Variants in KANSL2 observed in about 807,000 individuals in gnomAD.
KANSL2 encodes the protein NSL complex protein NSL2.
Under a neutral mutation model 55.6 loss-of-function variants are expected in KANSL2, and 34 were observed. That is an observed-to-expected ratio of 0.61 (90% CI 0.46 to 0.81). The LOEUF (loss-of-function observed/expected upper bound fraction) is 0.81. KANSL2 is among the 40% of genes least tolerant of loss of function. The probability of loss-of-function intolerance (pLI) is 0.00; values close to 1 mark genes in which losing one functional copy is unlikely to be tolerated. For missense variants in KANSL2, 502 were observed against 609.9 expected (o/e 0.82, Z 1.86); for synonymous variants, 209 against 214.3 (o/e 0.98, Z 0.22).
chr12:48,657,851 A>C (rs1362932483), intron 8 of KANSL2, among the ~76,000 whole-genome samples: 1 of 152,124 alleles, frequency 6.6e-6, no homozygotes, highest in Non-Finnish European at 1.5e-5. Context: ...TCCTGACCTC[A>C]GGTGATCTAC....
intron 5 of KANSL2, among the ~76,000 whole-genome samples, chr12:48,670,833 G>T (rs1939699240): frequency 6.6e-6 from 1 of 152,106 alleles, no homozygotes; most frequent in Non-Finnish European, 1.5e-5. Flanking sequence ...GCTGAGTGTG[G>T]TGGTGCATCT....
At chr12:48,677,784 CAAAAAAAAA>C (rs56147873) in intron 4 of KANSL2, among the ~76,000 whole-genome samples, 15 of 47,676 alleles carry the variant, frequency 3.1e-4, no homozygotes, top group South Asian at 1.0e-3. Context: ...GACTCCATCT[CAAAAAAAAA>C]AAAAAAAAAA....
intron 5 of KANSL2, among the ~76,000 whole-genome samples, chr12:48,670,637 T>C (rs1006183622): frequency 1.2e-4 from 18 of 152,358 alleles, no homozygotes; most frequent in African/African-American, 4.1e-4. Context: ...CTAAGTGTTA[T>C]TACAGAGTCC....
At chr12:48,673,717 GC>G (rs1939770021) in intron 4 of KANSL2, among the ~76,000 whole-genome samples, 1 of 152,136 alleles carries the variant, frequency 6.6e-6, no homozygotes, top group South Asian at 2.1e-4. Context: ...GGAGGCCGAG[GC>G]AGGCAGATTG....
In KANSL2 at chr12:48,669,013, C is replaced by T. The variant is rs550166848; in HGVS notation, c.876+93G>A. 4.9e-6 allele frequency: 5 copies of T among 1,019,618 alleles called. No individual in the cohort carries two copies. In the East Asian group the frequency reaches 9.2e-5, roughly 19 times the overall value. 63.2% of individuals were successfully genotyped at this position (1,019,618 alleles called of 1,614,324 possible). ...GAGCCGACATCGCACCACTGCACTC[C>T]AGCCCGAGTGACAGTGCGAGACTCC... On this transcript the variant is annotated intron_variant, in intron 6 of 9. Coordinates refer to ENST00000420613, the MANE Select transcript of KANSL2 (RefSeq NM_017822.4).
rs763275425 is a variant in KANSL2, at chr12:48,681,832, A to C, written c.-9-191T>G. On this transcript the variant is annotated intron_variant, in intron 1 of 9. Transcript: ENST00000420613. Reference sequence around the variant, plus strand: ...TTGCCTCCCTTTAGCGTGTCCCTCCATGCCCGGCCCCACCCCGAACCACAC... The same window carrying C: ...TTGCCTCCCTTTAGCGTGTCCCTCCCTGCCCGGCCCCACCCCGAACCACAC... The C allele has an allele frequency of 8.5e-5, 62 of 725,528 alleles. 1 individual carries two copies. In the Admixed American group the frequency reaches 1.0e-3, roughly 12 times the overall value. 44.9% of individuals were successfully genotyped at this position (725,528 alleles called of 1,614,324 possible). A position where few individuals can be genotyped will look rare whatever the true frequency, so the allele number is the denominator to read the frequency against.
At position 48,655,065 on chromosome 12, in the gene KANSL2, A is replaced by G; in HGVS notation, c.1228-5T>C. On this transcript the variant is annotated splice_region_variant and splice_polypyrimidine_tract_variant and intron_variant, in intron 8 of 9. Transcript: ENST00000420613. ...ATCACCCACAACATCCAAGTCCTAG[A>G]AAAAAGAGAAAAGCCCATCAGCAAT... 1.3e-6 allele frequency: 2 copies of G among 1,564,576 alleles called. No homozygotes were observed. Among genetic ancestry groups the G allele is most frequent in the Non-Finnish European group, 1.7e-6 (2 of 1,154,572 alleles).
In KANSL2 at chr12:48,667,140, C is replaced by T. The variant is rs137967321; in HGVS notation, c.973+553G>A. On this transcript the variant is annotated intron_variant, in intron 7 of 9. Coordinates refer to ENST00000420613, the MANE Select transcript of KANSL2 (RefSeq NM_017822.4). The stretch of plus-strand genomic sequence containing the variant: ...TGGAGGTTGCAGTGAGCCGAGATCA[C>T]GCCATTGCACTCCAGCCTGGGAGAC... Among the ~76,000 whole-genome samples, 872 of 151,142 alleles carry T rather than the reference C, an allele frequency of 5.8e-3. 3 individuals are homozygous for T. Among genetic ancestry groups the T allele is most frequent in the Non-Finnish European group, 9.7e-3 (660 of 67,734 alleles).
At chr12:48,661,388 A>C (rs1939485437) in intron 7 of KANSL2, 1 of 160,762 alleles carries the variant, frequency 6.2e-6, no homozygotes, top group Admixed American at 6.5e-5. Context: ...GAAGCTCTGT[A>C]GGATGAACCA....
chr12:48,662,916 A>AC (rs1288564257), intron 7 of KANSL2, among the ~76,000 whole-genome samples: 2 of 152,188 alleles, frequency 1.3e-5, no homozygotes, highest in Non-Finnish European at 2.9e-5. Flanking sequence ...ACAGTGAAAA[A>AC]AGGGCATTCA....
intron 6 of KANSL2, among the ~76,000 whole-genome samples, chr12:48,668,416 C>T (rs1939641924): frequency 6.6e-6 from 1 of 152,350 alleles, no homozygotes; most frequent in East Asian, 1.9e-4. Flanking sequence ...ATCCATGTCT[C>T]CTGACTTCAA....
chr12:48,662,682 G>A (rs772937133), intron 7 of KANSL2: 2 of 1,282,172 alleles, frequency 1.6e-6, no homozygotes, highest in South Asian at 1.3e-5. Context: ...GGAAGGGTAA[G>A]TGACTTAGGC....
intron 8 of KANSL2, among the ~76,000 whole-genome samples, chr12:48,657,739 C>T (rs1939413206): frequency 6.6e-6 from 1 of 152,130 alleles, no homozygotes; most frequent in Admixed American, 6.5e-5. Flanking sequence ...GCCTCAGCCT[C>T]CCCAGTAGCT....
At chr12:48,676,089 ATGT>A (rs201934103) in intron 4 of KANSL2, among the ~76,000 whole-genome samples, 2,126 of 152,234 alleles carry the variant, frequency 0.014, 24 homozygotes, top group Non-Finnish European at 0.023. Flanking sequence ...TAAGTATTAG[ATGT>A]TGTAGACAAG....
In KANSL2 at chr12:48,671,926, C is replaced by G; in HGVS notation, c.582G>C (p.Leu194=). 6.2e-7 allele frequency: 1 copy of G among 1,608,738 alleles called. No homozygotes were observed. The highest frequency in any genetic ancestry group is 1.3e-5 in the African/African-American group (1 of 74,910). The part of the protein sequence containing the change: ...AGVYTAEEVA[L]IMREKLIRLQ... ...AACGAATTAGCTTTTCACGCATAAT[C>G]AGGGCCACTTCTTCTGCTGTGTAGA... is the stretch of plus-strand genomic sequence containing the variant. The change falls in exon 5 of 10, where the codon CTG becomes CTC. Residue 194 remains leucine, a synonymous_variant. Coordinates refer to ENST00000420613, the MANE Select transcript of KANSL2 (RefSeq NM_017822.4).
Position 48,671,851 on chromosome 12 carries a change from C to T in KANSL2, c.657G>A (p.Lys219=), listed in dbSNP as rs754688036. Residue 219 remains lysine, a synonymous_variant, in exon 5 of 10, where the codon AAG becomes AAA. Coordinates refer to ENST00000420613, the MANE Select transcript of KANSL2 (RefSeq NM_017822.4). ...TATGTAAGTATCGGCGCTTCTTCTC[C>T]TTGAGCAGATGCTGAAGTCGTTTAA... ...DQFKRLQHLL[K]EKKRRYLHNR... The T allele has an allele frequency of 5.6e-6, 9 of 1,613,446 alleles. No homozygotes were observed. The highest frequency in any genetic ancestry group is 7.6e-6 in the Non-Finnish European group (9 of 1,179,596).
intron 7 of KANSL2, among the ~76,000 whole-genome samples, chr12:48,665,056 T>G (rs1387145094): frequency 6.6e-6 from 1 of 152,028 alleles, no homozygotes; most frequent in Non-Finnish European, 1.5e-5. Context: ...CTTCTTTTTC[T>G]TTAGAGATGA....
chr12:48,666,821 G>C (rs1242305954), intron 7 of KANSL2, among the ~76,000 whole-genome samples: 1 of 152,198 alleles, frequency 6.6e-6, no homozygotes, highest in Admixed American at 6.5e-5. Context: ...GCTGCAGTGA[G>C]CTATGACTGA....
Position 48,655,079 on chromosome 12 carries a change from C to A in KANSL2, c.1228-19G>T, listed in dbSNP as rs1240783880. 1 of 1,557,834 alleles carries A rather than the reference C, an allele frequency of 6.4e-7. No homozygotes were observed. The highest frequency in any genetic ancestry group is 1.2e-5 in the South Asian group (1 of 84,164). On this transcript the variant is annotated intron_variant, in intron 8 of 9. Coordinates refer to ENST00000420613, the MANE Select transcript of KANSL2 (RefSeq NM_017822.4). ...CCAAGTCCTAGAAAAAAGAGAAAAG[C>A]CCATCAGCAATACCAAGGGAAACAG...
Sources: allele counts gnomAD v4.1 joint callset (sites outside exome capture counted in the v4.1 genomes callset), GRCh38; gene constraint gnomAD v4.1.1; transcripts MANE v1.5; gene names NCBI Gene and HGNC (gene_info 2026-07-23, HGNC 2026-07-21).